The following TOP3B variants were observed in gnomAD, a reference collection of about 807,000 sequenced individuals.
TOP3B encodes DNA topoisomerase III beta.
In TOP3B, 45 loss-of-function variants were observed where a neutral mutation model predicts 93.9. That is an observed-to-expected ratio of 0.48 (90% CI 0.38 to 0.61). The LOEUF (loss-of-function observed/expected upper bound fraction) is 0.61. TOP3B is among the 20% of genes least tolerant of loss of function. TOP3B has a pLI of 0.00. For synonymous variants in TOP3B, 357 were observed against 472.6 expected, an observed-to-expected ratio of 0.76 and a Z score of 3.17; for missense variants, 750 against 1,156.1, an observed-to-expected ratio of 0.65 and a Z score of 5.09.
In TOP3B at chr22:21,971,331, C is replaced by T. The variant is rs1408974872; in HGVS notation, c.384+546G>A. 1.7e-5 allele frequency: 5 copies of T among 289,600 alleles called. No individual in the cohort carries two copies. The highest frequency in any genetic ancestry group is 1.5e-4 in the South Asian group (5 of 33,596). 17.9% of individuals were successfully genotyped at this position (289,600 alleles called of 1,614,324 possible). A position where few individuals can be genotyped will look rare whatever the true frequency, so the allele number is the denominator to read the frequency against. The stretch of plus-strand genomic sequence containing the variant: ...AAGGGCACCAAGTGAGACCAGCAGT[C>T]ATGGCCACTGTGAGGGCACCATGGC... On this transcript the variant is annotated intron_variant, in intron 5 of 17. Transcript: ENST00000357179. This position sits in a 1 kb window ranked among gnomAD's most constrained non-coding sequence, Gnocchi z 4.6.
At chr22:21,974,295 C>A in intron 3 of TOP3B, 62 bp downstream of exon 3, 1 of 1,562,294 alleles carries the variant, frequency 6.4e-7, no homozygotes, top group Non-Finnish European at 8.7e-7. Flanking sequence ...CTGGCTTCAA[C>A]TGGACCCTGG....
At chr22:21,964,493 A>G in intron 9 of TOP3B, 178 bp from the exon 10 acceptor site, 2 of 674,268 alleles carry the variant, frequency 3.0e-6, no homozygotes, top group Non-Finnish European at 2.5e-6. Flanking sequence ...TATGCCACAC[A>G]GTCTTGTATG....
intron 8 of TOP3B, chr22:21,966,629 ACT>A (rs1462123490): frequency 6.6e-6 from 1 of 152,212 alleles, no homozygotes; most frequent in Non-Finnish European, 1.5e-5. Flanking sequence ...GGGTCCTGCC[ACT>A]CTCTACCTCT....
intron 3 of TOP3B, 194 bp from the exon 4 acceptor site, chr22:21,972,912 GCCT>G: frequency 1.7e-6 from 1 of 581,496 alleles, no homozygotes; most frequent in South Asian, 1.9e-5. Context: ...CTCCCATCCA[GCCT>G]CCTTTCTGCT....
chr22:21,959,174 G>A lies in TOP3B; in HGVS notation c.1863C>T (p.Leu621=), dbSNP rs369635594. 3.7e-5 allele frequency: 59 copies of A among 1,613,718 alleles called. No individual in the cohort carries two copies. Among genetic ancestry groups the A allele is most frequent in the Non-Finnish European group, 5.0e-5 (59 of 1,180,010 alleles). ...FSPLAATGKP[L]SRCGKCHRFM... ...AGCGGTGGCACTTCCCACAGCGTGAGAGGGGCTTGCCTGTGGCCGCCAGGG... is the reference window on the plus strand; with the variant it reads ...AGCGGTGGCACTTCCCACAGCGTGAAAGGGGCTTGCCTGTGGCCGCCAGGG... The change falls in exon 16 of 18, where the codon CTC becomes CTT. Residue 621 remains leucine, a synonymous_variant. Transcript: ENST00000357179.
chr22:21,967,298 C>G, intron 8 of TOP3B: 1 of 326,220 alleles, frequency 3.1e-6, no homozygotes, highest in South Asian at 4.3e-5. Flanking sequence ...GGAGTCCTGC[C>G]ACACGGAGGT....
chr22:21,969,948 T>TG, intron 6 of TOP3B: 1 of 279,022 alleles, frequency 3.6e-6, no homozygotes. Context: ...TTTTTTTTTT[T>TG]TTGTAGAGAT....
chr22:21,970,828 G>A lies in TOP3B; in HGVS notation c.385-422C>T, dbSNP rs2071607854. 5.7e-6 allele frequency: 2 copies of A among 349,306 alleles called. No individual in the cohort carries two copies. Among genetic ancestry groups the A allele is most frequent in the Non-Finnish European group, 9.7e-6 (2 of 205,424 alleles). 21.6% of individuals were successfully genotyped at this position (349,306 alleles called of 1,614,324 possible). ...GAGGGAGGGTTTGGAGGGGTGGGTGGAAATTTTAAGAGGCTGAAGAAAAGA... is the reference window on the plus strand; with the variant it reads ...GAGGGAGGGTTTGGAGGGGTGGGTGAAAATTTTAAGAGGCTGAAGAAAAGA... On this transcript the variant is annotated intron_variant, in intron 5 of 17. Transcript: ENST00000357179. The surrounding 1 kb of genome is among the most constrained non-coding windows in gnomAD (Gnocchi z 4.4).
Position 21,971,928 on chromosome 22 carries a change from G to A in TOP3B, c.333C>T (p.Tyr111=), listed in dbSNP as rs35638745. The A allele has an allele frequency of 4.8e-4, 769 of 1,613,708 alleles. 4 individuals are homozygous for A. In the African/African-American group the frequency reaches 9.6e-3, roughly 20 times the overall value. The change falls in exon 5 of 18, where the codon TAC becomes TAT. Residue 111 remains tyrosine, a synonymous_variant. Transcript: ENST00000357179. This position sits in a 1 kb window ranked among gnomAD's most constrained non-coding sequence, Gnocchi z 4.6. ...TGTCGCAGTCCAGCCACAGCACGAT[G>A]TAGTCGCAGCCTCTGCCCTCCACCT... ...FLQVEGRGCD[Y]IVLWLDCDKE... is the part of the protein sequence containing the mutation.
chr22:21,959,665 C>T lies in TOP3B; in HGVS notation c.1726G>A (p.Ala576Thr). The T allele has an allele frequency of 1.9e-6, 3 of 1,613,750 alleles. No homozygotes were observed. Among genetic ancestry groups the T allele is most frequent in the Non-Finnish European group, 2.5e-6 (3 of 1,179,942 alleles). Reference protein sequence around the residue: ...KQLNLIAQGKADYRQVLGHTL... With the variant: ...KQLNLIAQGKTDYRQVLGHTL... ...TGGCCCAGGACCTGGCGGTAGTCGG[C>T]CTTGCCCTGGGCGATCAGGTTCAGC... Residue 576 changes from alanine (A) to threonine (T), a missense_variant, in exon 15 of 18, where the codon GCC becomes ACC. Ala to Thr is a moderately conservative substitution (Grantham distance 58). Transcript: ENST00000357179.
Position 21,971,664 on chromosome 22 carries a change from C to G in TOP3B, c.384+213G>C, listed in dbSNP as rs1488022800. Reference sequence around the variant, plus strand: ...TTCACTCATACCGTTGAGGCCTCAGCAAGCGGAGGAACAACTGACCACCTT... The same window carrying G: ...TTCACTCATACCGTTGAGGCCTCAGGAAGCGGAGGAACAACTGACCACCTT... On this transcript the variant is annotated intron_variant, in intron 5 of 17. Coordinates refer to ENST00000357179, the MANE Select transcript of TOP3B (RefSeq NM_001282112.2). This position sits in a 1 kb window ranked among gnomAD's most constrained non-coding sequence, Gnocchi z 4.6. 1 of 609,828 alleles carries G rather than the reference C, an allele frequency of 1.6e-6. No homozygotes were observed. Among genetic ancestry groups the G allele is most frequent in the Non-Finnish European group, 3.0e-6 (1 of 333,714 alleles). 37.8% of individuals were successfully genotyped at this position (609,828 alleles called of 1,614,324 possible). A position where few individuals can be genotyped will look rare whatever the true frequency, so the allele number is the denominator to read the frequency against.
In TOP3B at chr22:21,971,991, C is replaced by A. The variant is rs759489947; in HGVS notation, c.310-40G>T. ...AGGTTCACACGTACCTGCTGCAGACCCGGTCTGTGCCACCCGCCCCCAGTG... is the reference window on the plus strand; with the variant it reads ...AGGTTCACACGTACCTGCTGCAGACACGGTCTGTGCCACCCGCCCCCAGTG... On this transcript the variant is annotated intron_variant, in intron 4 of 17. Transcript: ENST00000357179. The surrounding 1 kb of genome is among the most constrained non-coding windows in gnomAD (Gnocchi z 4.6). 7 of 1,573,110 alleles carry A rather than the reference C, an allele frequency of 4.4e-6. No homozygotes were observed. Among genetic ancestry groups the A allele is most frequent in the Non-Finnish European group, 6.1e-6 (7 of 1,150,806 alleles).
At chr22:21,961,382 C>G (rs974920606) in intron 13 of TOP3B, 2 of 152,374 alleles carry the variant, frequency 1.3e-5, no homozygotes, top group Admixed American at 6.5e-5. Context: ...TGACCACTCT[C>G]CTGTTCAGAA....
rs897266722 is a variant in TOP3B, at chr22:21,970,117, G to A, written c.581+93C>T. On this transcript the variant is annotated intron_variant, in intron 6 of 17. Coordinates refer to ENST00000357179, the MANE Select transcript of TOP3B (RefSeq NM_001282112.2). This position sits in a 1 kb window ranked among gnomAD's most constrained non-coding sequence, Gnocchi z 4.4. ...CCTGTTGCTCATCCTGGCTCGAGGAGGCCTAGGGGCCCCGGAGGGGGACCA... is the reference window on the plus strand; with the variant it reads ...CCTGTTGCTCATCCTGGCTCGAGGAAGCCTAGGGGCCCCGGAGGGGGACCA... 6.9e-6 allele frequency: 10 copies of A among 1,455,986 alleles called. No homozygotes were observed. Among genetic ancestry groups the A allele is most frequent in the African/African-American group, 1.4e-5 (1 of 71,844 alleles). The allele number at this position is 1,455,986 out of a possible 1,614,324, so 90.2% of individuals were successfully genotyped here. A position where few individuals can be genotyped will look rare whatever the true frequency, so the allele number is the denominator to read the frequency against.
At chr22:21,981,339 G>A (rs932914714) in intron 1 of TOP3B, among the ~76,000 whole-genome samples, 9 of 152,130 alleles carry the variant, frequency 5.9e-5, no homozygotes, top group Admixed American at 2.0e-4. Context: ...TCTAGAACCC[G>A]TGCCCCAAGC....
chr22:21,974,559 G>T, intron 2 of TOP3B, 71 bp from the exon 3 acceptor site: 2 of 1,481,550 alleles, frequency 1.3e-6, no homozygotes, highest in Non-Finnish European at 1.8e-6. Flanking sequence ...ACCCCAGCCC[G>T]GATGCCACCT....
chr22:21,962,322 G>A lies in TOP3B; in HGVS notation c.1525+107C>T. The A allele has an allele frequency of 3.8e-6, 6 of 1,599,422 alleles. No homozygotes were observed. In the South Asian group the frequency reaches 6.6e-5, roughly 18 times the overall value. ...AGTTTCCAGATACCAGCCCATGGAG[G>A]GGTGCTGGGCTGGGCACACAGGGCT... On this transcript the variant is annotated intron_variant, in intron 13 of 17. Coordinates refer to ENST00000357179, the MANE Select transcript of TOP3B (RefSeq NM_001282112.2).
Position 21,971,836 on chromosome 22 carries a change from G to A in TOP3B, c.384+41C>T, listed in dbSNP as rs751000671. ...TGGTGTCAGTTTGGGGCTGGTGTCA[G>A]AAAGGCCAAAAGTGAGGAACAAAGT... On this transcript the variant is annotated intron_variant, in intron 5 of 17. Transcript: ENST00000357179. This position sits in a 1 kb window ranked among gnomAD's most constrained non-coding sequence, Gnocchi z 4.6. 2 of 1,604,902 alleles carry A rather than the reference G, an allele frequency of 1.2e-6. No homozygotes were observed. Among genetic ancestry groups the A allele is most frequent in the South Asian group, 1.1e-5 (1 of 90,848 alleles).
At chr22:21,973,425 T>C (rs983585966) in intron 3 of TOP3B, 6 of 150,608 alleles carry the variant, frequency 4.0e-5, no homozygotes, top group Non-Finnish European at 8.8e-5. Context: ...CGCACCACCA[T>C]GCCAGCTGAT....
Sources: gnomAD v4.1 joint callset for allele counts (sites outside exome capture counted in the v4.1 genomes callset) on GRCh38, gnomAD v4.1.1 for gene constraint, Gnocchi (gnomAD v3.1) non-coding constraint, MANE v1.5 for transcripts, NCBI Gene and HGNC (gene_info 2026-07-23, HGNC 2026-07-21) for gene names.